ZNF732: variants seen among roughly 807,000 people sequenced by gnomAD.
ZNF732 encodes zinc finger protein LOC654254.
ZNF732 carries 12 observed loss-of-function variants against 11.5 expected under a neutral mutation model. That is an observed-to-expected ratio of 1.05 (90% CI 0.67 to 1.70). The LOEUF (loss-of-function observed/expected upper bound fraction) is 1.70. Among genes scored for constraint, ZNF732 ranks in the 40% most tolerant of loss-of-function variants. The pLI, the probability that ZNF732 is intolerant of heterozygous loss-of-function variation, is 0.00. For missense variants in ZNF732, 702 were observed against 676.9 expected (o/e 1.04, Z -0.41); for synonymous variants, 231 against 236.5 (o/e 0.98, Z 0.21).
chr4:271,067 C>A lies in ZNF732; in HGVS notation c.*32G>T. The A allele has an allele frequency of 6.9e-7, 1 of 1,443,776 alleles. No homozygotes were observed. The highest frequency in any genetic ancestry group is 1.4e-5 in the South Asian group (1 of 70,298). The allele number at this position is 1,443,776 out of a possible 1,614,324, so 89.4% of individuals were successfully genotyped here. On this transcript the variant is annotated 3_prime_UTR_variant, in exon 4 of 4. Coordinates refer to ENST00000419098, the MANE Select transcript of ZNF732 (RefSeq NM_001137608.3). ...CTTATGTTCATTCAGGTTTGTGGATCATCCAAAGGCTTTGCCACATTCTTC... is the reference window on the plus strand; with the variant it reads ...CTTATGTTCATTCAGGTTTGTGGATAATCCAAAGGCTTTGCCACATTCTTC...
At chr4:301,283 G>C (rs1720113403) in intron 1 of ZNF732, among the ~76,000 whole-genome samples, 1 of 152,190 alleles carries the variant, frequency 6.6e-6, no homozygotes, top group Non-Finnish European at 1.5e-5. Context: ...CTGTAAACTA[G>C]TTCAACCATT....
chr4:279,136 GA>G (rs111326176), intron 3 of ZNF732, among the ~76,000 whole-genome samples: 7 of 147,164 alleles, frequency 4.8e-5, no homozygotes, highest in Admixed American at 6.8e-5. Flanking sequence ...CTGAGATAGT[GA>G]AAAAAAAAAC....
chr4:280,308 A>AAAAG (rs397714203), intron 3 of ZNF732, among the ~76,000 whole-genome samples: 1 of 149,172 alleles, frequency 6.7e-6, no homozygotes, highest in Non-Finnish European at 1.5e-5. Context: ...AAAAAAAAAA[A>AAAAG]CGGCCAGCTG....
chr4:276,776 A>AT lies in ZNF732; in HGVS notation c.227-4147dup, dbSNP rs550105262. The stretch of plus-strand genomic sequence containing the variant: ...GCAATCTCTTATCAAAATACCAATG[A>AT]TTTTTTTCACAGAAATGGAAAAAAC... On this transcript the variant is annotated intron_variant, in intron 3 of 3. Coordinates refer to ENST00000419098, the MANE Select transcript of ZNF732 (RefSeq NM_001137608.3). Among the ~76,000 whole-genome samples, 320 of 151,946 alleles carry AT rather than the reference A, an allele frequency of 2.1e-3. 1 individual carries two copies. The highest frequency in any genetic ancestry group is 7.3e-3 in the African/African-American group (305 of 41,508).
chr4:291,735 G>A (rs945147047), intron 3 of ZNF732, among the ~76,000 whole-genome samples: 14 of 152,144 alleles, frequency 9.2e-5, no homozygotes, highest in Non-Finnish European at 1.8e-4. Context: ...AAATTTAAGT[G>A]TAACCTTAAA....
chr4:282,907 T>C (rs73791813), intron 3 of ZNF732, among the ~76,000 whole-genome samples: 9,161 of 152,116 alleles, frequency 0.06, 466 homozygotes, highest in African/African-American at 0.14. Flanking sequence ...ACTAAATGGT[T>C]AGAAAACAAT....
intron 3 of ZNF732, among the ~76,000 whole-genome samples, chr4:292,759 T>C (rs1313337129): frequency 1.3e-5 from 2 of 150,412 alleles, no homozygotes; most frequent in Non-Finnish European, 1.5e-5. Flanking sequence ...TAAAAAACAA[T>C]AAAAAGGCCG....
At chr4:293,257 C>T (rs28784663) in intron 3 of ZNF732, among the ~76,000 whole-genome samples, 32,630 of 142,184 alleles carry the variant, frequency 0.23, 3,838 homozygotes, top group Admixed American at 0.3. Flanking sequence ...TATATATATA[C>T]ACATATATAT....
At chr4:293,257 C>CAT (rs1719879855) in intron 3 of ZNF732, among the ~76,000 whole-genome samples, 1 of 142,622 alleles carries the variant, frequency 7.0e-6, no homozygotes, top group African/African-American at 2.6e-5. Context: ...TATATATATA[C>CAT]ACATATATAT....
At chr4:298,784 C>A (rs558877549) in intron 1 of ZNF732, among the ~76,000 whole-genome samples, 1 of 152,260 alleles carries the variant, frequency 6.6e-6, no homozygotes, top group East Asian at 1.9e-4. Flanking sequence ...AGGGGAAGGA[C>A]AAAACTACTC....
chr4:271,116 T>G lies in ZNF732; in HGVS notation c.1741A>C (p.Thr581Pro). Residue 581 changes from threonine to proline, a missense_variant, in exon 4 of 4, where the codon ACT becomes CCT. By Grantham distance (38) the Thr-to-Pro change is conservative. Coordinates refer to ENST00000419098, the MANE Select transcript of ZNF732 (RefSeq NM_001137608.3). ...SYLNQHNKIY[T>P]GEKL is the part of the protein sequence containing the mutation. ...TCATATTTCTAGAGTTTCTCTCCAG[T>G]ATAAATTTTATTATGTTGATTAAGG... is the stretch of plus-strand genomic sequence containing the variant. 7 of 1,515,018 alleles carry G rather than the reference T, an allele frequency of 4.6e-6. No homozygotes were observed. The highest frequency in any genetic ancestry group is 6.2e-6 in the Non-Finnish European group (7 of 1,133,878). 93.8% of individuals were successfully genotyped at this position (1,515,018 alleles called of 1,614,324 possible).
At chr4:289,360 A>T (rs926942516) in intron 3 of ZNF732, among the ~76,000 whole-genome samples, 1 of 152,254 alleles carries the variant, frequency 6.6e-6, no homozygotes, top group Non-Finnish European at 1.5e-5. Context: ...GTAAGGTTAA[A>T]ATAGGGGAGA....
intron 3 of ZNF732, 138 bp from the exon 4 acceptor site, chr4:272,768 CATATATATGTA>C (rs1719417370): frequency 1.2e-6 from 1 of 845,384 alleles, no homozygotes; most frequent in Non-Finnish European, 1.7e-6. Context: ...TCTTCACAGA[CATATATATGTA>C]ACAAACATAT....
In ZNF732 at chr4:271,169, C is replaced by CA; in HGVS notation, c.1687dup (p.Cys563LeufsTer6). On this transcript the variant is annotated frameshift_variant, in exon 4 of 4. Transcript: ENST00000419098. LOFTEE classifies it low-confidence loss of function (END_TRUNC). The stretch of plus-strand genomic sequence containing the variant: ...TGAGGACCACTTAAAGGCTTTGCCA[C>CA]ATCCTTTACATTTGGGGGTTTTATC... 6.4e-7 allele frequency: 1 copy of CA among 1,553,230 alleles called. No individual in the cohort carries two copies. The highest frequency in any genetic ancestry group is 8.7e-7 in the Non-Finnish European group (1 of 1,148,064).
chr4:273,721 CA>C (rs1553838250), intron 3 of ZNF732, among the ~76,000 whole-genome samples: 1 of 151,734 alleles, frequency 6.6e-6, no homozygotes, highest in Admixed American at 6.6e-5. Context: ...AGCAAAGTTT[CA>C]AAAATCAAAC....
intron 3 of ZNF732, among the ~76,000 whole-genome samples, chr4:288,013 C>T (rs1560161231): frequency 6.6e-6 from 1 of 151,948 alleles, no homozygotes. Context: ...GTGGTTTTGC[C>T]TTACATTACT....
At chr4:279,455 A>C (rs535785989) in intron 3 of ZNF732, among the ~76,000 whole-genome samples, 4 of 151,882 alleles carry the variant, frequency 2.6e-5, no homozygotes, top group African/African-American at 4.8e-5. Flanking sequence ...CAAAAAAAAA[A>C]AACAACAACC....
At chr4:284,728 G>A (rs761929786) in intron 3 of ZNF732, among the ~76,000 whole-genome samples, 16 of 151,524 alleles carry the variant, frequency 1.1e-4, no homozygotes, top group Non-Finnish European at 2.2e-4. Context: ...AAAATTCGCC[G>A]GGCGTGGTGG....
intron 3 of ZNF732, among the ~76,000 whole-genome samples, chr4:277,526 C>A (rs1158320128): frequency 6.6e-6 from 1 of 151,828 alleles, no homozygotes; most frequent in Non-Finnish European, 1.5e-5. Flanking sequence ...CTCAACATCA[C>A]TAATTGTCAG....
Sources: gnomAD v4.1 joint callset for allele counts (sites outside exome capture counted in the v4.1 genomes callset) on GRCh38, gnomAD v4.1.1 for gene constraint, MANE v1.5 for transcripts, NCBI Gene and HGNC (gene_info 2026-07-23, HGNC 2026-07-21) for gene names.